SPTB: variants seen among roughly 807,000 people sequenced by gnomAD.
SPTB encodes spectrin beta chain, erythrocytic.
SPTB carries 45 observed loss-of-function variants against 256.2 expected under a neutral mutation model. That is an observed-to-expected ratio of 0.18 (90% CI 0.14 to 0.23). SPTB has a LOEUF of 0.23. Ranked by LOEUF, SPTB falls within the 10% of genes least tolerant of loss-of-function variation. The pLI is 1.00. For synonymous variants in SPTB, 1,231 were observed against 1,243.1 expected, an observed-to-expected ratio of 0.99 and a Z score of 0.21; for missense variants, 2,715 against 3,040.4, an observed-to-expected ratio of 0.89 and a Z score of 2.52.
intron 1 of SPTB, among the ~76,000 whole-genome samples, chr14:64,860,596 A>G (rs2083951820): frequency 6.6e-6 from 1 of 152,186 alleles, no homozygotes; most frequent in South Asian, 2.1e-4. Flanking sequence ...TAGGACACTA[A>G]AAAAGAAAAA....
rs2082248018 is a variant in SPTB at position 64,769,643 on chromosome 14, A to T, written c.5884T>A (p.Cys1962Ser). 6.2e-7 allele frequency: 1 copy of T among 1,614,042 alleles called. No homozygotes were observed. The highest frequency in any genetic ancestry group is 8.5e-7 in the Non-Finnish European group (1 of 1,180,046). ...AGCAGGGACTCGCCAAGCTCCAGGC[A>T]GGCACTGAAGTTCTTGCTCCGGGTT... Reference protein sequence around the residue: ...IETRSKNFSACLELGESLLQR... With the variant: ...IETRSKNFSASLELGESLLQR... Residue 1962 changes from cysteine to serine, a missense_variant, in exon 28 of 36, where the codon TGC (cysteine) becomes AGC (serine). Cys to Ser is a moderately radical substitution (Grantham distance 112). Coordinates refer to ENST00000644917, the MANE Select transcript of SPTB (RefSeq NM_001355436.2).
At position 64,802,989 on chromosome 14, in the gene SPTB, G is replaced by T. The variant is rs17180497; in HGVS notation, c.474+618C>A. Among the ~76,000 whole-genome samples the T allele has an allele frequency of 0.059, 8,957 of 152,212 alleles. 334 individuals are homozygous for T. Among genetic ancestry groups the T allele is most frequent in the Non-Finnish European group, 0.091 (6,189 of 67,996 alleles). On this transcript the variant is annotated intron_variant, in intron 4 of 35. Coordinates refer to ENST00000644917, the MANE Select transcript of SPTB (RefSeq NM_001355436.2). The surrounding 1 kb of genome is among the most constrained non-coding windows in gnomAD (Gnocchi z 5.1). ...TCTCCCCAACTCTGCTGCTATTGTT[G>T]TTCAATGTTATGCACCCATGGAGAG...
At position 64,777,390 on chromosome 14, in the gene SPTB, G is replaced by A. The variant is rs2082378673; in HGVS notation, c.4563+1767C>T. On this transcript the variant is annotated intron_variant, in intron 22 of 35. Transcript: ENST00000644917. This position sits in a 1 kb window ranked among gnomAD's most constrained non-coding sequence, Gnocchi z 4.5. ...AATCCAGGGAAACAGATGCAGCTAG[G>A]GGCCTACCCCCAGAGATCCTAATTG... Among the ~76,000 whole-genome samples the A allele has an allele frequency of 6.6e-6, 1 of 152,186 alleles. No individual in the cohort carries two copies. The highest frequency in any genetic ancestry group is 1.5e-5 in the Non-Finnish European group (1 of 68,022).
chr14:64,768,119 G>A, intron 29 of SPTB: 1 of 534,170 alleles, frequency 1.9e-6, no homozygotes, highest in Non-Finnish European at 3.4e-6. Flanking sequence ...ATGGCTCATG[G>A]CAGCCTCAGC....
At chr14:64,877,974 G>A (rs914106085) in intron 1 of SPTB, among the ~76,000 whole-genome samples, 6 of 152,188 alleles carry the variant, frequency 3.9e-5, no homozygotes, top group African/African-American at 4.8e-5. Flanking sequence ...TGGGCAAGCC[G>A]CTCAGGAGAA....
Position 64,816,623 on chromosome 14 carries a change from A to G in SPTB, c.148+6324T>C, listed in dbSNP as rs1432517655. On this transcript the variant is annotated intron_variant, in intron 2 of 35. Transcript: ENST00000644917. This position sits in a 1 kb window ranked among gnomAD's most constrained non-coding sequence, Gnocchi z 4.2. ...TTATTTGATCTACCTCTGTCTCACTAGACTGTAAGATTCTCTGGTTGATCT... is the reference window on the plus strand; with the variant it reads ...TTATTTGATCTACCTCTGTCTCACTGGACTGTAAGATTCTCTGGTTGATCT... Among the ~76,000 whole-genome samples, 2 of 152,196 alleles carry G rather than the reference A, an allele frequency of 1.3e-5. No individual in the cohort carries two copies. The highest frequency in any genetic ancestry group is 4.8e-5 in the African/African-American group (2 of 41,438).
chr14:64,750,267 T>A, intron 33 of SPTB, 113 bp from the exon 34 acceptor site: 2 of 1,060,940 alleles, frequency 1.9e-6, no homozygotes, highest in Non-Finnish European at 2.7e-6. Context: ...TGATACATAG[T>A]AACATGTTTT....
chr14:64,863,934 T>C (rs1021149037), intron 1 of SPTB, among the ~76,000 whole-genome samples: 4 of 152,198 alleles, frequency 2.6e-5, no homozygotes, highest in Admixed American at 1.3e-4. Flanking sequence ...GAATGGACTA[T>C]TGTGAGAATT....
chr14:64,861,390 G>A (rs958395750), intron 1 of SPTB, among the ~76,000 whole-genome samples: 1 of 152,180 alleles, frequency 6.6e-6, no homozygotes, highest in Non-Finnish European at 1.5e-5. Context: ...TCATATAAGT[G>A]GGGAATGCCA....
intron 32 of SPTB, chr14:64,754,372 C>CA (rs2081993556): frequency 1.7e-5 from 3 of 180,348 alleles, no homozygotes; most frequent in Non-Finnish European, 3.6e-5. Flanking sequence ...CCCTGGCCAT[C>CA]AGCAGGTCTA....
At chr14:64,837,591 A>ATTTAT (rs2083544632) in intron 1 of SPTB, among the ~76,000 whole-genome samples, 1 of 152,062 alleles carries the variant, frequency 6.6e-6, no homozygotes, top group East Asian at 1.9e-4. Flanking sequence ...CAACAAGCTG[A>ATTTAT]TTTATTTTAT....
Position 64,747,945 on chromosome 14 carries a change from G to A in SPTB, c.*1361C>T, listed in dbSNP as rs1457851922. 11 of 152,276 alleles carry A rather than the reference G, an allele frequency of 7.2e-5. No homozygotes were observed. The highest frequency in any genetic ancestry group is 2.7e-4 in the African/African-American group (11 of 41,418). The allele number at this position is 152,276 out of a possible 1,614,324, so 9.4% of individuals were successfully genotyped here. The stretch of plus-strand genomic sequence containing the variant: ...CTCTTCCTCCAGAAGTATGACCTGA[G>A]CAGCAAGGGGAAGGCCATTCCTGGG... On this transcript the variant is annotated 3_prime_UTR_variant, in exon 36 of 36. Coordinates refer to ENST00000644917, the MANE Select transcript of SPTB (RefSeq NM_001355436.2).
intron 1 of SPTB, among the ~76,000 whole-genome samples, chr14:64,870,259 T>A (rs889642884): frequency 7.9e-5 from 12 of 151,644 alleles, no homozygotes; most frequent in African/African-American, 2.9e-4. Context: ...AAGGAAAATT[T>A]TAAGGATAAT....
intron 33 of SPTB, 76 bp downstream of exon 33, chr14:64,753,461 A>G (rs1304491721): frequency 6.2e-7 from 1 of 1,605,884 alleles, no homozygotes; most frequent in African/African-American, 1.3e-5. Context: ...TGCCCATGTC[A>G]CCAAGGCTCT....
At chr14:64,781,074 C>T (rs1272233462) in intron 20 of SPTB, among the ~76,000 whole-genome samples, 1 of 152,114 alleles carries the variant, frequency 6.6e-6, no homozygotes, top group East Asian at 1.9e-4. Flanking sequence ...AAAATAAACT[C>T]AAGATGGATT....
intron 1 of SPTB, among the ~76,000 whole-genome samples, chr14:64,835,009 T>A (rs2083502002): frequency 1.3e-5 from 2 of 152,162 alleles, no homozygotes; most frequent in African/African-American, 2.4e-5. Flanking sequence ...GGGTGCCAAT[T>A]TATTTATTCA....
rs1056331715 is a variant in SPTB at position 64,779,688 on chromosome 14, A to C, written c.4473+37T>G. On this transcript the variant is annotated intron_variant, in intron 21 of 35. Coordinates refer to ENST00000644917, the MANE Select transcript of SPTB (RefSeq NM_001355436.2). The surrounding 1 kb of genome is among the most constrained non-coding windows in gnomAD (Gnocchi z 4.2). The stretch of plus-strand genomic sequence containing the variant: ...CTACTCTGATGGCAGCTGGTGGCTC[A>C]GCCTCAGGAGGTAGGGAGAAGCTGT... 6 of 1,613,252 alleles carry C rather than the reference A, an allele frequency of 3.7e-6. No individual in the cohort carries two copies. The highest frequency in any genetic ancestry group is 5.1e-6 in the Non-Finnish European group (6 of 1,179,398).
At chr14:64,855,863 G>A (rs975147282) in intron 1 of SPTB, among the ~76,000 whole-genome samples, 5 of 152,208 alleles carry the variant, frequency 3.3e-5, no homozygotes, top group Admixed American at 2.0e-4. Flanking sequence ...CCTTCCTGTA[G>A]GGCTGGAGCA....
chr14:64,768,905 G>A (rs918945249), intron 29 of SPTB, 129 bp downstream of exon 29: 3 of 817,852 alleles, frequency 3.7e-6, no homozygotes, highest in Non-Finnish European at 6.3e-6. Flanking sequence ...GAGCTTTGCT[G>A]AAGAGCAGTG....
Sources: allele counts gnomAD v4.1 joint callset (sites outside exome capture counted in the v4.1 genomes callset), GRCh38; gene constraint gnomAD v4.1.1; non-coding constraint Gnocchi (gnomAD v3.1); transcripts MANE v1.5; gene names NCBI Gene and HGNC (gene_info 2026-07-23, HGNC 2026-07-21).